Variants in UNC13C observed in about 807,000 individuals in gnomAD.
UNC13C encodes the protein protein unc-13 homolog C.
In UNC13C, 174 loss-of-function variants were observed where a neutral mutation model predicts 245.4. That is an observed-to-expected ratio of 0.71 (90% confidence interval 0.63 to 0.80). The LOEUF (loss-of-function observed/expected upper bound fraction) is 0.80, where lower values mean the gene tolerates loss of function less well. UNC13C is among the 30% of genes least tolerant of loss of function. The pLI is 0.00. For synonymous variants in UNC13C, 992 were observed against 895.1 expected, an observed-to-expected ratio of 1.11 and a Z score of -1.93; for missense variants, 2,829 against 2,602.9, an observed-to-expected ratio of 1.09 and a Z score of -1.89.
At chr15:54,160,237 G>C (rs2032920205) in intron 4 of UNC13C, among the ~76,000 whole-genome samples, 1 of 151,632 alleles carries the variant, frequency 6.6e-6, no homozygotes, top group Non-Finnish European at 1.5e-5. Flanking sequence ...TGTTAGTGAG[G>C]ATCTAGGTCA....
chr15:54,422,944 C>T (rs1264004506), intron 19 of UNC13C, among the ~76,000 whole-genome samples: 1 of 143,538 alleles, frequency 7.0e-6, no homozygotes, highest in Non-Finnish European at 1.5e-5. Flanking sequence ...AAATACACTT[C>T]TACAGCAATA....
At chr15:54,131,633 C>T (rs183866400) in intron 2 of UNC13C, among the ~76,000 whole-genome samples, 1 of 152,220 alleles carries the variant, frequency 6.6e-6, no homozygotes, top group East Asian at 1.9e-4. Flanking sequence ...TAGTCATCTC[C>T]GTTATCACAC....
intron 13 of UNC13C, among the ~76,000 whole-genome samples, chr15:54,316,427 C>A (rs955000516): frequency 6.6e-6 from 1 of 152,030 alleles, no homozygotes; most frequent in East Asian, 1.9e-4. Flanking sequence ...ATCTCTTAGT[C>A]ATTCATTGAC....
intron 4 of UNC13C, among the ~76,000 whole-genome samples, chr15:54,186,951 C>T (rs1004495914): frequency 4.6e-5 from 7 of 151,444 alleles, no homozygotes; most frequent in Non-Finnish European, 7.4e-5. Context: ...CAGGTTCAAG[C>T]GATTCTCCTG....
chr15:54,263,718 G>A (rs1425180535), intron 8 of UNC13C, among the ~76,000 whole-genome samples: 4 of 151,978 alleles, frequency 2.6e-5, no homozygotes, highest in African/African-American at 9.7e-5. Flanking sequence ...TTAATGTTTA[G>A]CAAATAACAG....
chr15:54,560,942 G>T (rs1328259619), intron 29 of UNC13C, among the ~76,000 whole-genome samples: 1 of 151,966 alleles, frequency 6.6e-6, no homozygotes, highest in Non-Finnish European at 1.5e-5. Flanking sequence ...CTGATGATTG[G>T]TTCATTTTGG....
At chr15:53,881,265 G>A in the UNC13C span, among the ~76,000 whole-genome samples, 162 of 152,240 alleles carry the variant, frequency 1.1e-3, 1 homozygote, top group Non-Finnish European at 2.0e-3. Flanking sequence ...TTTGGAGAGC[G>A]TGCAGCATAC....
At chr15:54,443,358 A>G (rs575816309) in intron 19 of UNC13C, among the ~76,000 whole-genome samples, 3 of 151,914 alleles carry the variant, frequency 2.0e-5, no homozygotes, top group Admixed American at 1.3e-4. Flanking sequence ...CAAAAATCCA[A>G]TTTGTTTCAT....
At chr15:54,445,744 C>T (rs1890776599) in intron 19 of UNC13C, among the ~76,000 whole-genome samples, 3 of 152,100 alleles carry the variant, frequency 2.0e-5, no homozygotes, top group Non-Finnish European at 4.4e-5. Context: ...CTGTAGGTTG[C>T]CTGTTCACTC....
At chr15:54,030,079 C>T (rs755554735) in intron 2 of UNC13C, among the ~76,000 whole-genome samples, 47 of 152,126 alleles carry the variant, frequency 3.1e-4, no homozygotes, top group Admixed American at 1.7e-3. Flanking sequence ...GCTGCAGCAG[C>T]GGCAGCAGGT....
chr15:54,178,863 C>T (rs973409056), intron 4 of UNC13C, among the ~76,000 whole-genome samples: 2 of 152,188 alleles, frequency 1.3e-5, no homozygotes, highest in Non-Finnish European at 2.9e-5. Context: ...AATAAAATCC[C>T]GCTTGAGGAA....
intron 20 of UNC13C, 40 bp from the exon 21 acceptor site, chr15:54,500,039 G>T (rs1215178256): frequency 1.4e-6 from 2 of 1,409,198 alleles, no homozygotes; most frequent in Admixed American, 2.3e-5. Flanking sequence ...TTATGCAAAT[G>T]ATGTCCTTTG....
At chr15:54,035,089 C>T (rs1242922184) in intron 2 of UNC13C, among the ~76,000 whole-genome samples, 1 of 151,954 alleles carries the variant, frequency 6.6e-6, no homozygotes, top group Non-Finnish European at 1.5e-5. Context: ...TTATGAATGA[C>T]TCTTCAGATA....
chr15:53,996,453 G>T (rs1405520320), intron 1 of UNC13C, among the ~76,000 whole-genome samples: 1 of 152,028 alleles, frequency 6.6e-6, no homozygotes, highest in Non-Finnish European at 1.5e-5. Flanking sequence ...CACTTTTTCT[G>T]TATATATTCG....
Position 54,015,341 on chromosome 15 carries a change from A to G in UNC13C, c.2438A>G (p.Asn813Ser), listed in dbSNP as rs995949776. 1.2e-5 allele frequency: 20 copies of G among 1,613,742 alleles called. No individual in the cohort carries two copies. Among genetic ancestry groups the G allele is most frequent in the Middle Eastern group, 1.6e-4 (1 of 6,082 alleles). Residue 813 changes from asparagine to serine, a missense_variant, in exon 2 of 33, where the codon AAC becomes AGC. Physicochemically the swap from Asn to Ser is conservative, Grantham distance 46 (BLOSUM62 1). Coordinates refer to ENST00000260323, the MANE Select transcript of UNC13C (RefSeq NM_001080534.3). ...RAKSALEVVW[N>S]KSTQSLSGYE... Reference sequence around the variant, plus strand: ...AAATCAGCCTTGGAAGTAGTATGGAACAAAAGCACACAGAGTCTGAGTGGG... The same window carrying G: ...AAATCAGCCTTGGAAGTAGTATGGAGCAAAAGCACACAGAGTCTGAGTGGG...
chr15:53,902,037 G>A, the UNC13C span, among the ~76,000 whole-genome samples: 1 of 148,576 alleles, frequency 6.7e-6, no homozygotes. Flanking sequence ...ATGTGCATTA[G>A]TTTTCACCTC....
intron 16 of UNC13C, among the ~76,000 whole-genome samples, chr15:54,335,962 A>G (rs1002856978): frequency 6.6e-6 from 1 of 152,038 alleles, no homozygotes; most frequent in Non-Finnish European, 1.5e-5. Context: ...GTATGTATGT[A>G]TATATTTCTT....
intron 17 of UNC13C, among the ~76,000 whole-genome samples, chr15:54,385,736 TAATC>T (rs781750163): frequency 1.3e-5 from 2 of 151,928 alleles, no homozygotes; most frequent in Admixed American, 6.6e-5. Flanking sequence ...ATAAAAATGA[TAATC>T]ATTCAAGGTA....
chr15:54,413,879 T>G (rs1403135571), intron 18 of UNC13C, among the ~76,000 whole-genome samples: 3 of 152,198 alleles, frequency 2.0e-5, no homozygotes, highest in African/African-American at 7.2e-5. Flanking sequence ...ATAAATATTT[T>G]TATTCATGTG....
Sources: allele counts gnomAD v4.1 joint callset (sites outside exome capture counted in the v4.1 genomes callset), GRCh38; gene constraint gnomAD v4.1.1; transcripts MANE v1.5; gene names NCBI Gene and HGNC (gene_info 2026-07-23, HGNC 2026-07-21).